The following KLF17 variants were observed in gnomAD, a reference collection of about 807,000 sequenced individuals.
The protein encoded by KLF17 is KLF transcription factor 17, also known as Krueppel-like factor 17.
A neutral mutation model predicts 34.2 loss-of-function variants in KLF17; 31 were observed. The observed-to-expected ratio is 0.91, with a 90% CI of 0.68 to 1.22. The LOEUF is 1.22. Ranked by LOEUF, KLF17 falls within the 50% of genes most tolerant of loss-of-function variation. KLF17 has a pLI of 0.00. For missense variants in KLF17, 478 were observed against 505.2 expected, an observed-to-expected ratio of 0.95 and a Z score of 0.52; for synonymous variants, 179 against 186.7, an observed-to-expected ratio of 0.96 and a Z score of 0.34.
chr1:44,131,377 T>C (rs1388379412), intron 3 of KLF17, among the ~76,000 whole-genome samples: 8 of 152,172 alleles, frequency 5.3e-5, no homozygotes. Context: ...TAAAACCCTT[T>C]AGTGACTCCT....
the KLF17 span, among the ~76,000 whole-genome samples, chr1:44,053,044 C>T: frequency 1.3e-4 from 20 of 151,786 alleles, no homozygotes; most frequent in African/African-American, 3.9e-4. Context: ...GGATTACAGG[C>T]GCAGGCTACC....
At chr1:44,130,251 G>A in intron 2 of KLF17, 55 bp downstream of exon 2, 1 of 1,551,142 alleles carries the variant, frequency 6.4e-7, no homozygotes, top group Non-Finnish European at 8.7e-7. Context: ...CTTTAGATTT[G>A]TCCTGGGCCA....
chr1:44,094,049 A>G, the KLF17 span, among the ~76,000 whole-genome samples: 1 of 152,230 alleles, frequency 6.6e-6, no homozygotes, highest in South Asian at 2.1e-4. Context: ...AATATTCGCC[A>G]GATGCAAAAC....
chr1:44,123,045 C>A (rs569919279), intron 1 of KLF17, among the ~76,000 whole-genome samples: 2 of 151,520 alleles, frequency 1.3e-5, no homozygotes, highest in Non-Finnish European at 2.9e-5. Context: ...TTAATTTATT[C>A]ACTTCTATTA....
chr1:44,125,588 C>T (rs1432710566), intron 1 of KLF17, among the ~76,000 whole-genome samples: 1 of 152,162 alleles, frequency 6.6e-6, no homozygotes, highest in Non-Finnish European at 1.5e-5. Flanking sequence ...GTGCCTCAGC[C>T]TCCTGAGTAG....
intron 1 of KLF17, among the ~76,000 whole-genome samples, chr1:44,124,581 G>A (rs1220338201): frequency 6.8e-6 from 1 of 146,424 alleles, no homozygotes; most frequent in Non-Finnish European, 1.5e-5. Context: ...TGCAGGCTCC[G>A]CCCCCGGGGT....
chr1:44,090,223 C>T, the KLF17 span, among the ~76,000 whole-genome samples: 1 of 138,302 alleles, frequency 7.2e-6, no homozygotes, highest in Non-Finnish European at 1.5e-5. Flanking sequence ...TGGCCAGGTG[C>T]TGCCACACCT....
the KLF17 span, among the ~76,000 whole-genome samples, chr1:44,067,735 T>C: frequency 6.6e-6 from 1 of 152,196 alleles, no homozygotes; most frequent in South Asian, 2.1e-4. Context: ...AGCAGCTCAC[T>C]GTCACAGCAA....
upstream of KLF17, chr1:44,115,776 A>G (rs1013770622): frequency 1.3e-5 from 2 of 152,178 alleles, no homozygotes; most frequent in Non-Finnish European, 2.9e-5. Flanking sequence ...ATAAGGGAGT[A>G]TATCAGATTG....
chr1:44,048,205 C>A, the KLF17 span: 1 of 152,142 alleles, frequency 6.6e-6, no homozygotes, highest in African/African-American at 2.4e-5. Flanking sequence ...AGGAACTTTC[C>A]GATTCTTTTG....
the KLF17 span, among the ~76,000 whole-genome samples, chr1:44,097,785 T>C: frequency 6.6e-6 from 1 of 152,240 alleles, no homozygotes; most frequent in Non-Finnish European, 1.5e-5. Flanking sequence ...TGTTGAGGTA[T>C]GTTCCTTCTA....
At chr1:44,127,735 CTTTT>C (rs2088042791) in intron 1 of KLF17, among the ~76,000 whole-genome samples, 2 of 109,488 alleles carry the variant, frequency 1.8e-5, no homozygotes, top group African/African-American at 4.0e-5. Context: ...TCTTTCTTCT[CTTTT>C]CTTTCTTCTC....
At chr1:44,050,734 T>C in the KLF17 span, among the ~76,000 whole-genome samples, 1 of 152,102 alleles carries the variant, frequency 6.6e-6, no homozygotes, top group Non-Finnish European at 1.5e-5. Flanking sequence ...CTGGCTAATA[T>C]GGTGAAACTC....
At chr1:44,119,766 C>T (rs2154311338) in intron 1 of KLF17, among the ~76,000 whole-genome samples, 1 of 152,184 alleles carries the variant, frequency 6.6e-6, no homozygotes, top group Non-Finnish European at 1.5e-5. Context: ...GAAGGGTGGC[C>T]CCAGGGACAC....
intron 1 of KLF17, among the ~76,000 whole-genome samples, chr1:44,125,875 T>C (rs907556019): frequency 2.6e-5 from 4 of 151,846 alleles, no homozygotes; most frequent in African/African-American, 9.7e-5. Flanking sequence ...GTCTCTTCAG[T>C]GGGAAGGGGA....
the KLF17 span, among the ~76,000 whole-genome samples, chr1:44,101,874 A>AAAAC: frequency 6.6e-6 from 1 of 151,780 alleles, no homozygotes. Flanking sequence ...AAAACAAAAC[A>AAAAC]AAACAAACAA....
At chr1:44,050,358 G>T in the KLF17 span, among the ~76,000 whole-genome samples, 1 of 152,192 alleles carries the variant, frequency 6.6e-6, no homozygotes, top group Non-Finnish European at 1.5e-5. Context: ...AAGACATGCT[G>T]ACCAGTGCCA....
chr1:44,093,194 C>T, the KLF17 span, among the ~76,000 whole-genome samples: 5 of 152,052 alleles, frequency 3.3e-5, no homozygotes, highest in African/African-American at 1.2e-4. Flanking sequence ...TCTCCTCTAC[C>T]AACCTAAGTC....
At chr1:44,073,914 T>C in the KLF17 span, among the ~76,000 whole-genome samples, 1 of 152,206 alleles carries the variant, frequency 6.6e-6, no homozygotes, top group Non-Finnish European at 1.5e-5. Context: ...TTTTCTGTTT[T>C]CCTTACTACC....
Sources: allele counts gnomAD v4.1 joint callset (sites outside exome capture counted in the v4.1 genomes callset), GRCh38; gene constraint gnomAD v4.1.1; transcripts MANE v1.5; gene names NCBI Gene and HGNC (gene_info 2026-07-23, HGNC 2026-07-21).